The following ALPK2 variants were observed in gnomAD, a reference collection of about 807,000 sequenced individuals.
The protein encoded by ALPK2 is alpha kinase 2, also known as alpha-protein kinase 2.
ALPK2 carries 127 observed loss-of-function variants against 163.1 expected under a neutral mutation model. That is an observed-to-expected ratio of 0.78 (90% CI 0.67 to 0.90). ALPK2 has a LOEUF of 0.90. Ranked by LOEUF, ALPK2 falls within the 40% of genes least tolerant of loss-of-function variation. ALPK2 has a pLI of 0.00. For synonymous variants in ALPK2, 953 were observed against 959.1 expected (o/e 0.99, Z 0.12); for missense variants, 2,360 against 2,589.6 (o/e 0.91, Z 1.92).
At chr18:58,564,671 A>G (rs1194367245) in intron 4 of ALPK2, among the ~76,000 whole-genome samples, 4 of 151,956 alleles carry the variant, frequency 2.6e-5, no homozygotes, top group African/African-American at 9.7e-5. Flanking sequence ...AGGGATTCAC[A>G]GGACCTCACT....
intron 4 of ALPK2, among the ~76,000 whole-genome samples, chr18:58,546,867 A>C (rs138870921): frequency 3.2e-4 from 48 of 152,314 alleles, no homozygotes; most frequent in African/African-American, 1.1e-3. Flanking sequence ...TGGTGCTATG[A>C]AGCCCCATGA....
At chr18:58,498,816 T>C (rs1277764009) in intron 11 of ALPK2, among the ~76,000 whole-genome samples, 1 of 152,216 alleles carries the variant, frequency 6.6e-6, no homozygotes, top group African/African-American at 2.4e-5. Context: ...CCACCATGAT[T>C]GTGAGGCCTC....
intron 3 of ALPK2, among the ~76,000 whole-genome samples, chr18:58,583,669 C>T (rs77000269): frequency 0.32 from 47,356 of 150,106 alleles, 8,170 homozygotes; most frequent in East Asian, 0.59. Context: ...TAAAAATTAG[C>T]CAGGCATGGT....
chr18:58,579,842 G>A lies in ALPK2; in HGVS notation c.934C>T (p.Pro312Ser), dbSNP rs1236637726. 6.2e-7 allele frequency: 1 copy of A among 1,614,042 alleles called. No homozygotes were observed. Among genetic ancestry groups the A allele is most frequent in the East Asian group, 2.2e-5 (1 of 44,902 alleles). Residue 312 changes from proline to serine, a missense_variant, in exon 4 of 13, where the codon CCA (proline) becomes TCA (serine). Pro to Ser is a moderately conservative substitution (Grantham distance 74). Transcript: ENST00000361673. ...TCGGTGTAGGTTAGGGTTATCTCTG[G>A]GCAAAGTTCATAGTCACTGTCAGAG... is the stretch of plus-strand genomic sequence containing the variant. ...EDSDSDYELC[P>S]EITLTYTEEF...
intron 4 of ALPK2, among the ~76,000 whole-genome samples, chr18:58,561,753 T>C (rs1027063012): frequency 6.6e-6 from 1 of 152,164 alleles, no homozygotes; most frequent in East Asian, 1.9e-4. Flanking sequence ...TGGAGGACTT[T>C]CCTGACTTCC....
At chr18:58,524,211 T>C in intron 6 of ALPK2, 149 bp from the exon 7 acceptor site, 2 of 1,114,538 alleles carry the variant, frequency 1.8e-6, no homozygotes, top group Non-Finnish European at 2.5e-6. Context: ...CGATCAGCTG[T>C]TTAAATAATT....
chr18:58,579,685 A>G lies in ALPK2; in HGVS notation c.1091T>C (p.Met364Thr), dbSNP rs151066320. 1.2e-5 allele frequency: 19 copies of G among 1,614,008 alleles called. No homozygotes were observed. Among genetic ancestry groups the G allele is most frequent in the Admixed American group, 3.3e-5 (2 of 59,998 alleles). The stretch of plus-strand genomic sequence containing the variant: ...ACCCAGGCAATGCTCACCGAATTCC[A>G]TCTCTTCGTCATCGCTTTCTAATAA... ...VFLLESDDEEMEFGEHCLGGC... is the reference protein window; with the variant it reads ...VFLLESDDEETEFGEHCLGGC... Residue 364 changes from methionine to threonine, a missense_variant, in exon 4 of 13, where the codon ATG becomes ACG. Coordinates refer to ENST00000361673, the MANE Select transcript of ALPK2 (RefSeq NM_052947.4).
chr18:58,486,758 G>T (rs886216664), intron 12 of ALPK2, among the ~76,000 whole-genome samples: 5 of 152,162 alleles, frequency 3.3e-5, no homozygotes, highest in Non-Finnish European at 7.3e-5. Flanking sequence ...AGGATGTTGG[G>T]CTGCTGCTTT....
intron 4 of ALPK2, among the ~76,000 whole-genome samples, chr18:58,549,052 T>A (rs988387092): frequency 6.6e-6 from 1 of 152,224 alleles, no homozygotes; most frequent in African/African-American, 2.4e-5. Flanking sequence ...TCATCACTAA[T>A]AGTTTGGTGC....
In ALPK2 at chr18:58,504,073, T is replaced by C. The variant is rs76982718; in HGVS notation, c.6105A>G (p.Gly2035=). The C allele has an allele frequency of 6.2e-7, 1 of 1,614,056 alleles. No individual in the cohort carries two copies. Among genetic ancestry groups the C allele is most frequent in the African/African-American group, 1.3e-5 (1 of 74,930 alleles). The change falls in exon 11 of 13, where the codon GGA becomes GGG. Residue 2035 remains glycine (G), a synonymous_variant. Coordinates refer to ENST00000361673, the MANE Select transcript of ALPK2 (RefSeq NM_052947.4). ...PYATVEEELI[G]EFVKYSIRDG... is the part of the protein sequence containing the mutation. The stretch of plus-strand genomic sequence containing the variant: ...CCCTGATGGAATACTTCACAAATTC[T>C]CCAATCAGCTCCTCCTCCACTGTAG...
intron 1 of ALPK2, among the ~76,000 whole-genome samples, chr18:58,624,827 A>G (rs900881233): frequency 6.6e-6 from 1 of 152,186 alleles, no homozygotes. Context: ...AATTCCTATC[A>G]TTTGGCTCTC....
chr18:58,483,728 T>C (rs1318534112), intron 12 of ALPK2, among the ~76,000 whole-genome samples: 1 of 81,300 alleles, frequency 1.2e-5, no homozygotes, highest in Admixed American at 1.1e-4. Context: ...TTTTTTGTAT[T>C]TTTTTTTTTT....
At chr18:58,554,451 C>G (rs1037056413) in intron 4 of ALPK2, among the ~76,000 whole-genome samples, 1 of 152,350 alleles carries the variant, frequency 6.6e-6, no homozygotes, top group Non-Finnish European at 1.5e-5. Flanking sequence ...AGGCCACATC[C>G]TGATCCACCA....
chr18:58,544,066 T>G (rs1298771550), intron 4 of ALPK2, among the ~76,000 whole-genome samples: 1 of 152,194 alleles, frequency 6.6e-6, no homozygotes, highest in Non-Finnish European at 1.5e-5. Context: ...ACTCAGTTAT[T>G]CATTTCTGAG....
intron 3 of ALPK2, among the ~76,000 whole-genome samples, chr18:58,592,865 A>G (rs569519256): frequency 4.6e-5 from 7 of 152,326 alleles, no homozygotes; most frequent in Non-Finnish European, 8.8e-5. Context: ...CTGAACCTCC[A>G]TCAACCCGGT....
chr18:58,531,765 C>A (rs971285399), intron 5 of ALPK2, among the ~76,000 whole-genome samples: 4 of 150,870 alleles, frequency 2.7e-5, no homozygotes, highest in African/African-American at 9.7e-5. Flanking sequence ...TGGTGAAACC[C>A]CGTCTCTACT....
intron 4 of ALPK2, among the ~76,000 whole-genome samples, chr18:58,574,913 A>G (rs970343445): frequency 1.3e-5 from 2 of 152,190 alleles, no homozygotes; most frequent in Non-Finnish European, 2.9e-5. Flanking sequence ...ACCAACGATC[A>G]TTAGAATCAC....
intron 3 of ALPK2, among the ~76,000 whole-genome samples, chr18:58,598,742 G>C (rs2052053950): frequency 6.6e-6 from 1 of 152,146 alleles, no homozygotes; most frequent in Non-Finnish European, 1.5e-5. Flanking sequence ...GAGGGAGTTG[G>C]TCAACTGTTC....
At chr18:58,583,559 A>G (rs111331361) in intron 3 of ALPK2, among the ~76,000 whole-genome samples, 430 of 152,186 alleles carry the variant, frequency 2.8e-3, no homozygotes, top group Non-Finnish European at 5.0e-3. Flanking sequence ...CACACCTGTA[A>G]TCCCAGCACT....
Sources: allele counts gnomAD v4.1 joint callset (sites outside exome capture counted in the v4.1 genomes callset), GRCh38; gene constraint gnomAD v4.1.1; transcripts MANE v1.5; gene names NCBI Gene and HGNC (gene_info 2026-07-23, HGNC 2026-07-21).